The following DOCK10 variants were observed in gnomAD, a reference collection of about 807,000 sequenced individuals.
The protein encoded by DOCK10 is dedicator of cytokinesis 10, also known as dedicator of cytokinesis protein 10.
Under a neutral mutation model 280.1 loss-of-function variants are expected in DOCK10, and 145 were observed. That is an observed-to-expected ratio of 0.52 (90% confidence interval 0.45 to 0.59). The LOEUF (loss-of-function observed/expected upper bound fraction) is 0.59. Ranked by LOEUF, DOCK10 falls within the 20% of genes least tolerant of loss-of-function variation. The pLI, the probability that DOCK10 is intolerant of heterozygous loss-of-function variation, is 0.00. For missense variants in DOCK10, 2,368 were observed against 2,651.7 expected (o/e 0.89, Z 2.35); for synonymous variants, 915 against 942.2 (o/e 0.97, Z 0.53).
intron 15 of DOCK10, among the ~76,000 whole-genome samples, 186 bp downstream of exon 15, chr2:224,856,674 T>C (rs1447402411): frequency 1.3e-5 from 2 of 152,246 alleles, no homozygotes; most frequent in Non-Finnish European, 2.9e-5. Flanking sequence ...CATTTCACAG[T>C]CCTTCCATAT....
rs199819247 is a variant in DOCK10, at chr2:224,770,187, G to A, written c.6444+24C>T. On this transcript the variant is annotated intron_variant, in intron 55 of 55. Coordinates refer to ENST00000258390, the MANE Select transcript of DOCK10 (RefSeq NM_014689.3). This position sits in a 1 kb window ranked among gnomAD's most constrained non-coding sequence, Gnocchi z 4.5. ...AAGGGACTTTCTGTCCACTGATAGCGCGTGTGCACCAAGGAGCGCTCACCT... is the reference window on the plus strand; with the variant it reads ...AAGGGACTTTCTGTCCACTGATAGCACGTGTGCACCAAGGAGCGCTCACCT... 1,136 of 1,511,746 alleles carry A rather than the reference G, an allele frequency of 7.5e-4. 8 individuals carry two copies. In the Middle Eastern group the frequency reaches 0.014, roughly 19 times the overall value. 93.6% of individuals were successfully genotyped at this position (1,511,746 alleles called of 1,614,324 possible).
chr2:225,000,707 G>A lies in DOCK10; in HGVS notation c.123+41545C>T, dbSNP rs142165094. ...CTACTACTAGAAAGAAAATCAGGCC[G>A]GGTGGCTCATGCCTGTAATCCCAGC... On this transcript the variant is annotated intron_variant, in intron 1 of 55. Transcript: ENST00000258390. Among the ~76,000 whole-genome samples the A allele has an allele frequency of 3.6e-3, 549 of 152,226 alleles. 8 individuals are homozygous for A. The highest frequency in any genetic ancestry group is 7.8e-4 in the Non-Finnish European group (53 of 68,006).
rs753042912 is a variant in DOCK10 at position 224,886,575 on chromosome 2, C to T, written c.417-44G>A. The T allele has an allele frequency of 2.0e-5, 31 of 1,517,834 alleles. No individual in the cohort carries two copies. The African/African-American group carries it at 3.3e-4, about 16-fold the overall frequency. The allele number at this position is 1,517,834 out of a possible 1,614,324, so 94.0% of individuals were successfully genotyped here. On this transcript the variant is annotated intron_variant, in intron 4 of 55. Transcript: ENST00000258390. ...AAAGATTCTGATTTGTCATTGGAGA[C>T]AGCTTTCATTTTAAGTTGCTCCCCA...
intron 53 of DOCK10, among the ~76,000 whole-genome samples, chr2:224,771,924 T>A (rs909746633): frequency 1.3e-5 from 2 of 151,786 alleles, no homozygotes; most frequent in East Asian, 1.9e-4. Flanking sequence ...TGGCTTTTTT[T>A]TTTTTTTATT....
At chr2:225,025,682 C>A (rs1224426133) in intron 1 of DOCK10, among the ~76,000 whole-genome samples, 1 of 152,190 alleles carries the variant, frequency 6.6e-6, no homozygotes, top group Non-Finnish European at 1.5e-5. Flanking sequence ...ACCGAAATGC[C>A]TGGGCTCTTG....
At chr2:224,834,638 C>T (rs887492558) in intron 25 of DOCK10, among the ~76,000 whole-genome samples, 2 of 152,154 alleles carry the variant, frequency 1.3e-5, no homozygotes, top group Non-Finnish European at 2.9e-5. Flanking sequence ...GGGTAGAGCA[C>T]CCACTCAAAT....
intron 28 of DOCK10, among the ~76,000 whole-genome samples, chr2:224,820,077 C>T (rs898192044): frequency 3.3e-5 from 5 of 152,098 alleles, no homozygotes; most frequent in South Asian, 2.1e-4. Flanking sequence ...GTGGTAGAGA[C>T]GAGTCAGGAA....
intron 40 of DOCK10, 94 bp from the exon 41 acceptor site, chr2:224,800,357 G>A (rs1560859): frequency 0.94 from 622,982 of 665,538 alleles, 291,948 homozygotes; most frequent in East Asian, 1. Flanking sequence ...TTCAAAGTTT[G>A]CTGGCATTTT....
chr2:224,912,117 C>A (rs555982296), intron 3 of DOCK10, among the ~76,000 whole-genome samples: 142 of 151,666 alleles, frequency 9.4e-4, no homozygotes, highest in African/African-American at 3.1e-3. Flanking sequence ...TCAGTTGCTT[C>A]CAATTCTGGC....
chr2:224,836,687 C>T (rs887910001), intron 25 of DOCK10, among the ~76,000 whole-genome samples: 2 of 151,550 alleles, frequency 1.3e-5, no homozygotes, highest in Non-Finnish European at 2.9e-5. Flanking sequence ...GCAAGCTCTG[C>T]CTCCCGGGTT....
chr2:224,882,565 T>C lies in DOCK10; in HGVS notation c.747+3106A>G, dbSNP rs111444921. 2.2e-3 allele frequency among the ~76,000 whole-genome samples: 338 copies of C among 152,314 alleles called. 1 individual carries two copies. Among genetic ancestry groups the C allele is most frequent in the Non-Finnish European group, 4.1e-3 (282 of 68,030 alleles). Reference sequence around the variant, plus strand: ...CAAAGTATTCTAAGGAAAACGATGATATGGATTAAGTCTGAATGAATCAAA... The same window carrying C: ...CAAAGTATTCTAAGGAAAACGATGACATGGATTAAGTCTGAATGAATCAAA... On this transcript the variant is annotated intron_variant, in intron 7 of 55. Transcript: ENST00000258390.
At chr2:224,837,061 A>G (rs1011770057) in intron 25 of DOCK10, among the ~76,000 whole-genome samples, 1 of 152,232 alleles carries the variant, frequency 6.6e-6, no homozygotes, top group African/African-American at 2.4e-5. Flanking sequence ...TATGTATTAT[A>G]AAGTAATTTA....
intron 4 of DOCK10, among the ~76,000 whole-genome samples, chr2:224,892,466 AAG>A (rs1242774357): frequency 7.1e-6 from 1 of 140,064 alleles, no homozygotes; most frequent in African/African-American, 2.8e-5. Context: ...GAAGAGGAGA[AAG>A]AGGAGAAGAG....
chr2:224,909,116 A>G (rs4673123), intron 3 of DOCK10, among the ~76,000 whole-genome samples: 84,977 of 151,986 alleles, frequency 0.56, 24,761 homozygotes, highest in Non-Finnish European at 0.64. Flanking sequence ...TTTAATTAGT[A>G]TGCTGAGCTT....
intron 3 of DOCK10, among the ~76,000 whole-genome samples, chr2:224,916,202 C>A (rs1250098799): frequency 6.6e-6 from 1 of 152,186 alleles, no homozygotes. Flanking sequence ...TTGAAACCAG[C>A]CTAGCCAATA....
At chr2:224,863,960 G>C (rs1458576889) in intron 13 of DOCK10, among the ~76,000 whole-genome samples, 4 of 152,048 alleles carry the variant, frequency 2.6e-5, no homozygotes, top group African/African-American at 9.7e-5. Flanking sequence ...TCATTCACTT[G>C]CTTTTACTCA....
At chr2:224,981,413 A>G (rs1347037658) in intron 1 of DOCK10, among the ~76,000 whole-genome samples, 1 of 152,186 alleles carries the variant, frequency 6.6e-6, no homozygotes, top group Non-Finnish European at 1.5e-5. Flanking sequence ...ATCTAAGAGA[A>G]AAAAGTCGAT....
chr2:224,864,765 A>G, intron 12 of DOCK10, 90 bp from the exon 13 acceptor site: 2 of 1,585,692 alleles, frequency 1.3e-6, no homozygotes. Context: ...GGACAGCTTT[A>G]AGGGAATTTT....
At chr2:224,794,307 A>C (rs1692403911) in intron 45 of DOCK10, among the ~76,000 whole-genome samples, 2 of 152,264 alleles carry the variant, frequency 1.3e-5, no homozygotes, top group African/African-American at 4.8e-5. Flanking sequence ...GGTACTAAGA[A>C]GACCTTGGGT....
Sources: allele counts gnomAD v4.1 joint callset (sites outside exome capture counted in the v4.1 genomes callset), GRCh38; gene constraint gnomAD v4.1.1; non-coding constraint Gnocchi (gnomAD v3.1); transcripts MANE v1.5; gene names NCBI Gene and HGNC (gene_info 2026-07-23, HGNC 2026-07-21).